PTPRD: variants seen among roughly 807,000 people sequenced by gnomAD.
PTPRD encodes the protein receptor-type tyrosine-protein phosphatase delta.
In PTPRD, 34 loss-of-function variants were observed where a neutral mutation model predicts 214.5. The observed-to-expected ratio is 0.16, with a 90% CI of 0.12 to 0.21. The LOEUF (loss-of-function observed/expected upper bound fraction) is 0.21, where lower values mean the gene tolerates loss of function less well. PTPRD is among the 10% of genes least tolerant of loss of function. PTPRD has a pLI of 1.00. For synonymous variants in PTPRD, 1,128 were observed against 845.7 expected, an observed-to-expected ratio of 1.33 and a Z score of -5.79; for missense variants, 2,545 against 2,398.7, an observed-to-expected ratio of 1.06 and a Z score of -1.27.
At chr9:10,075,300 T>C (rs10958869) in intron 3 of PTPRD, among the ~76,000 whole-genome samples, 28,848 of 151,932 alleles carry the variant, frequency 0.19, 3,314 homozygotes, top group South Asian at 0.3. Flanking sequence ...TTATTTGACA[T>C]CTACTTTTTT....
At chr9:9,238,578 C>G (rs138479544) in intron 9 of PTPRD, among the ~76,000 whole-genome samples, 1 of 152,066 alleles carries the variant, frequency 6.6e-6, no homozygotes, top group Non-Finnish European at 1.5e-5. Context: ...CTGGAGGACA[C>G]AGTTCAGGCA....
chr9:8,316,134 AG>A lies in PTPRD; in HGVS notation c.*1739del, dbSNP rs1416498258. ...TTGATGATTGATTATAAAAGGAAGA[AG>A]GGCCCTGATTATCCAAGTGCTTTGG... On this transcript the variant is annotated 3_prime_UTR_variant, in exon 46 of 46. Transcript: ENST00000381196. 1 of 228,318 alleles carries A rather than the reference AG, an allele frequency of 4.4e-6. No homozygotes were observed. The highest frequency in any genetic ancestry group is 8.7e-6 in the Non-Finnish European group (1 of 114,824). The allele number at this position is 228,318 out of a possible 1,614,324, so 14.1% of individuals were successfully genotyped here. A position where few individuals can be genotyped will look rare whatever the true frequency, so the allele number is the denominator to read the frequency against.
intron 9 of PTPRD, among the ~76,000 whole-genome samples, chr9:9,293,389 C>CTT (rs71500980): frequency 9.0e-6 from 1 of 111,026 alleles, no homozygotes; most frequent in African/African-American, 2.8e-5. Flanking sequence ...TTTGTTTGTT[C>CTT]TTTTTTTTTT....
At chr9:10,182,437 G>C (rs1170053032) in intron 3 of PTPRD, among the ~76,000 whole-genome samples, 1 of 151,826 alleles carries the variant, frequency 6.6e-6, no homozygotes, top group Admixed American at 6.6e-5. Flanking sequence ...ACATTCTCTG[G>C]AAAATAGGGG....
At chr9:10,437,155 A>C (rs1287823201) in intron 2 of PTPRD, among the ~76,000 whole-genome samples, 1 of 151,822 alleles carries the variant, frequency 6.6e-6, no homozygotes, top group Non-Finnish European at 1.5e-5. Flanking sequence ...TTCTGTCATC[A>C]TTAGTGATCC....
At chr9:10,317,125 T>G (rs1036080321) in intron 3 of PTPRD, among the ~76,000 whole-genome samples, 2 of 151,922 alleles carry the variant, frequency 1.3e-5, no homozygotes, top group Non-Finnish European at 2.9e-5. Context: ...GAGCCTAACA[T>G]TTTGAGCAAT....
intron 10 of PTPRD, among the ~76,000 whole-genome samples, chr9:9,163,796 GATA>G (rs1474747662): frequency 6.6e-6 from 1 of 152,178 alleles, no homozygotes; most frequent in Non-Finnish European, 1.5e-5. Context: ...CTGTTGTCCA[GATA>G]TACTGAACTC....
chr9:9,963,694 C>T (rs1339878628), intron 4 of PTPRD, among the ~76,000 whole-genome samples: 1 of 151,910 alleles, frequency 6.6e-6, no homozygotes, highest in Non-Finnish European at 1.5e-5. Flanking sequence ...TAATAAAAAC[C>T]CCAAGTTCAG....
intron 8 of PTPRD, among the ~76,000 whole-genome samples, chr9:9,408,494 T>A (rs1408686010): frequency 1.3e-5 from 2 of 151,812 alleles, no homozygotes; most frequent in East Asian, 3.9e-4. Context: ...AACATTATAA[T>A]AAAATTGAAA....
At chr9:8,845,167 G>GAA (rs779256297) in intron 11 of PTPRD, among the ~76,000 whole-genome samples, 1,291 of 84,622 alleles carry the variant, frequency 0.015, 26 homozygotes, top group African/African-American at 0.057. Context: ...ATCCTTGCAG[G>GAA]AAAAAAAAAC....
rs113343906 is a variant in PTPRD, at chr9:8,341,628, C to T, written c.4947+65G>A. On this transcript the variant is annotated intron_variant, in intron 40 of 45. Transcript: ENST00000381196. ...CAAATTTGAAAGGTTAAAGTAAAGC[C>T]ACGACTCAAAGACAAACCCAGAATG... The T allele has an allele frequency of 9.2e-3, 14,291 of 1,561,328 alleles. 76 individuals carry two copies. The highest frequency in any genetic ancestry group is 0.021 in the East Asian group (916 of 44,366).
intron 8 of PTPRD, among the ~76,000 whole-genome samples, chr9:9,493,551 G>A (rs1051965560): frequency 3.4e-4 from 51 of 152,148 alleles, no homozygotes; most frequent in Middle Eastern, 3.4e-3. Context: ...CACTTTGGGA[G>A]GCCGAGGCAG....
rs1567062289 is a variant in PTPRD, at chr9:8,929,805, A to ATATG, written c.-104+88891_-104+88892insCATA. 3.5e-3 allele frequency among the ~76,000 whole-genome samples: 348 copies of ATATG among 100,150 alleles called. 28 individuals are homozygous for ATATG. The highest frequency in any genetic ancestry group is 0.012 in the African/African-American group (311 of 24,928). The allele number at this position is 100,150 out of a possible 152,430, so 65.7% of individuals were successfully genotyped here. On this transcript the variant is annotated intron_variant, in intron 11 of 45. Coordinates refer to ENST00000381196, the MANE Select transcript of PTPRD (RefSeq NM_002839.4). ...GGTGTGTATATATGTGTGTGTATAT[A>ATATG]TGTGTATATATATGTGTATATATAT... is the stretch of plus-strand genomic sequence containing the variant.
intron 4 of PTPRD, among the ~76,000 whole-genome samples, chr9:10,028,714 C>A (rs879545920): frequency 5.9e-5 from 9 of 152,146 alleles, no homozygotes; most frequent in Non-Finnish European, 8.8e-5. Context: ...GAAGAAATTT[C>A]TAAGCAGTAA....
intron 11 of PTPRD, among the ~76,000 whole-genome samples, chr9:8,878,866 C>A (rs1388299764): frequency 6.6e-6 from 1 of 152,114 alleles, no homozygotes; most frequent in Non-Finnish European, 1.5e-5. Context: ...TTTATAATCC[C>A]TTTTGGGGTG....
At chr9:9,605,461 T>C (rs368191293) in intron 7 of PTPRD, among the ~76,000 whole-genome samples, 25 of 152,048 alleles carry the variant, frequency 1.6e-4, no homozygotes, top group African/African-American at 5.8e-4. Flanking sequence ...ACTATATCTT[T>C]AATAAATTTT....
chr9:10,294,438 T>G (rs1379574759), intron 3 of PTPRD, among the ~76,000 whole-genome samples: 1 of 151,970 alleles, frequency 6.6e-6, no homozygotes, highest in Non-Finnish European at 1.5e-5. Context: ...TGTGGTGCTT[T>G]CCACAATTTG....
intron 10 of PTPRD, among the ~76,000 whole-genome samples, chr9:9,116,101 G>A (rs547780678): frequency 2.1e-4 from 32 of 151,994 alleles, no homozygotes; most frequent in Admixed American, 1.9e-3. Context: ...ATGACCTATT[G>A]GGTACTATGC....
chr9:10,142,982 G>T (rs890479271), intron 3 of PTPRD, among the ~76,000 whole-genome samples: 2 of 151,904 alleles, frequency 1.3e-5, no homozygotes, highest in Admixed American at 6.6e-5. Context: ...GTAGGGACAT[G>T]GATGAAATTG....
Sources: allele counts gnomAD v4.1 joint callset (sites outside exome capture counted in the v4.1 genomes callset), GRCh38; gene constraint gnomAD v4.1.1; transcripts MANE v1.5; gene names NCBI Gene and HGNC (gene_info 2026-07-23, HGNC 2026-07-21).